Variants in VWA2 observed in about 807,000 individuals in gnomAD.
The protein encoded by VWA2 is von Willebrand factor A domain-containing protein 2.
A neutral mutation model predicts 70.4 loss-of-function variants in VWA2; 73 were observed. That is an observed-to-expected ratio of 1.04 (90% CI 0.86 to 1.26). VWA2 has a LOEUF of 1.26. Among genes scored for constraint, VWA2 ranks in the 50% most tolerant of loss-of-function variants. The probability of loss-of-function intolerance (pLI) is 0.00; values close to 1 mark genes in which losing one functional copy is unlikely to be tolerated. For synonymous variants in VWA2, 407 were observed against 423.3 expected (o/e 0.96, Z 0.47); for missense variants, 1,011 against 998.5 (o/e 1.01, Z -0.17).
At chr10:114,271,608 A>ACAC (rs2037711035) in intron 5 of VWA2, among the ~76,000 whole-genome samples, 8 of 144,700 alleles carry the variant, frequency 5.5e-5, no homozygotes, top group South Asian at 2.3e-4. Flanking sequence ...GAGAAGTAAA[A>ACAC]ACACACACAC....
intron 12 of VWA2, 125 bp downstream of exon 12, chr10:114,289,614 A>G (rs1368977814): frequency 5.5e-6 from 6 of 1,095,156 alleles, no homozygotes; most frequent in East Asian, 2.4e-5. Flanking sequence ...CCCAAGTGCC[A>G]GGTTCTGTGC....
intron 13 of VWA2, among the ~76,000 whole-genome samples, chr10:114,290,842 G>C (rs1032879366): frequency 1.2e-4 from 19 of 152,304 alleles, no homozygotes; most frequent in African/African-American, 4.6e-4. Flanking sequence ...GTGAGGACGA[G>C]GAGGAGGTGC....
At chr10:114,290,743 G>T (rs1242962919) in intron 13 of VWA2, among the ~76,000 whole-genome samples, 1 of 152,216 alleles carries the variant, frequency 6.6e-6, no homozygotes, top group Non-Finnish European at 1.5e-5. Flanking sequence ...GATGTAGACG[G>T]AGGCAGGGAT....
In VWA2 at chr10:114,290,367, T is replaced by A. The variant is rs1359580096; in HGVS notation, c.2248+2T>A. ...GGGAGGGCCCCCACTGCGAGAACCGTGAGTGGAGCTCTTGCTCTGTATGTG... is the reference window on the plus strand; with the variant it reads ...GGGAGGGCCCCCACTGCGAGAACCGAGAGTGGAGCTCTTGCTCTGTATGTG... On this transcript the variant is annotated splice_donor_variant, in intron 13 of 13. Transcript: ENST00000392982. LOFTEE classifies it high-confidence loss of function. The A allele has an allele frequency of 7.1e-6, 11 of 1,550,300 alleles. No individual in the cohort carries two copies. The highest frequency in any genetic ancestry group is 9.6e-6 in the Non-Finnish European group (11 of 1,146,926).
intron 2 of VWA2, among the ~76,000 whole-genome samples, chr10:114,252,375 G>C (rs2037214860): frequency 6.6e-6 from 1 of 152,066 alleles, no homozygotes. Context: ...TAGGTGAGCA[G>C]GAGCTGTCTG....
intron 6 of VWA2, among the ~76,000 whole-genome samples, chr10:114,275,970 A>G (rs2037832952): frequency 6.6e-6 from 1 of 152,202 alleles, no homozygotes; most frequent in Non-Finnish European, 1.5e-5. Flanking sequence ...TGAAATAAAC[A>G]CAATATAAAT....
At chr10:114,246,338 T>C in intron 1 of VWA2, 1 of 572,778 alleles carries the variant, frequency 1.7e-6, no homozygotes, top group East Asian at 3.0e-5. Context: ...CCGTCTCTAC[T>C]AAAAATACAA....
rs1171958981 is a variant in VWA2, at chr10:114,294,094, T to TTCAA, written c.*2861_*2864dup. Among the ~76,000 whole-genome samples the TTCAA allele has an allele frequency of 3.3e-5, 5 of 152,202 alleles. No homozygotes were observed. The highest frequency in any genetic ancestry group is 5.9e-5 in the Non-Finnish European group (4 of 68,010). ...GTGATAGGTTATCCATTTGTGTATT[T>TTCAA]TCAATCATTGAACAACCCTTGATTT... is the stretch of plus-strand genomic sequence containing the variant. On this transcript the variant is annotated 3_prime_UTR_variant, in exon 14 of 14. Transcript: ENST00000392982.
Position 114,284,917 on chromosome 10 carries a change from T to G in VWA2, c.944T>G (p.Leu315Arg). The change falls in exon 10 of 14, where the codon CTG (leucine) becomes CGG (arginine). Residue 315 changes from leucine (L) to arginine (R), a missense_variant. Coordinates refer to ENST00000392982, the MANE Select transcript of VWA2 (RefSeq NM_001272046.2). Reference protein sequence around the residue: ...QNGGTCVPEGLDGYQCLCPLA... With the variant: ...QNGGTCVPEGRDGYQCLCPLA... ...GGAGGCACATGTGTTCCAGAAGGAC[T>G]GGACGGCTACCAGTGCCTCTGCCCG... 2 of 1,605,506 alleles carry G rather than the reference T, an allele frequency of 1.2e-6. No homozygotes were observed. The highest frequency in any genetic ancestry group is 1.7e-6 in the Non-Finnish European group (2 of 1,177,218).
chr10:114,279,441 C>A (rs563683490), intron 8 of VWA2, among the ~76,000 whole-genome samples: 2 of 152,106 alleles, frequency 1.3e-5, no homozygotes, highest in Non-Finnish European at 2.9e-5. Flanking sequence ...TCTGGGGGGC[C>A]GGGGCAGTGT....
intron 6 of VWA2, among the ~76,000 whole-genome samples, chr10:114,273,228 G>A (rs1239585330): frequency 6.6e-6 from 1 of 152,192 alleles, no homozygotes; most frequent in African/African-American, 2.4e-5. Context: ...CACTGGGTGG[G>A]ATGGGGGTCC....
rs746874699 is a variant in VWA2 at position 114,285,967 on chromosome 10, C to T, written c.1026C>T (p.Val342=). 6 of 1,607,174 alleles carry T rather than the reference C, an allele frequency of 3.7e-6. No individual in the cohort carries two copies. The highest frequency in any genetic ancestry group is 1.3e-5 in the African/African-American group (1 of 74,876). The change falls in exon 11 of 14, where the codon GTC becomes GTT. Residue 342 remains valine (V), a synonymous_variant. Coordinates refer to ENST00000392982, the MANE Select transcript of VWA2 (RefSeq NM_001272046.2). ...CALKLSLECR[V]DLLFLLDSSA... is the part of the protein sequence containing the mutation. Reference sequence around the variant, plus strand: ...TGAAGCTGAGCCTGGAATGCAGGGTCGACCTCCTCTTCCTGCTGGACAGCT... The same window carrying T: ...TGAAGCTGAGCCTGGAATGCAGGGTTGACCTCCTCTTCCTGCTGGACAGCT...
intron 5 of VWA2, among the ~76,000 whole-genome samples, chr10:114,271,648 G>T (rs1422860750): frequency 7.0e-6 from 1 of 142,688 alleles, no homozygotes; most frequent in Non-Finnish European, 1.5e-5. Context: ...CACACAGCAG[G>T]TAATGCCCAT....
intron 1 of VWA2, chr10:114,245,977 A>C: frequency 2.0e-6 from 1 of 500,186 alleles, no homozygotes; most frequent in South Asian, 1.8e-5. Flanking sequence ...CATCATGGAA[A>C]TAACCACACA....
chr10:114,288,884 G>C, intron 11 of VWA2, 54 bp from the exon 12 acceptor site: 5 of 1,550,510 alleles, frequency 3.2e-6, no homozygotes, highest in Non-Finnish European at 4.4e-6. Context: ...GGGTCCCGTC[G>C]AGGGGCTCTG....
Position 114,291,433 on chromosome 10 carries a change from G to C in VWA2, c.*196G>C. ...GTCCCAACTGCAGCCATGCTGCTTA[G>C]AGACAAGAAAGCAGCTGATGTCACC... On this transcript the variant is annotated 3_prime_UTR_variant, in exon 14 of 14. Transcript: ENST00000392982. The C allele has an allele frequency of 1.6e-6, 1 of 631,754 alleles. No homozygotes were observed. Among genetic ancestry groups the C allele is most frequent in the Non-Finnish European group, 2.6e-6 (1 of 383,326 alleles). The allele number at this position is 631,754 out of a possible 1,614,324, so 39.1% of individuals were successfully genotyped here.
chr10:114,260,490 C>T (rs898276072), intron 4 of VWA2, among the ~76,000 whole-genome samples: 3 of 152,140 alleles, frequency 2.0e-5, no homozygotes, highest in African/African-American at 7.2e-5. Flanking sequence ...GCGGGGCTGA[C>T]CACCCAATGA....
chr10:114,277,765 G>T (rs1335672718), intron 6 of VWA2, 149 bp from the exon 7 acceptor site: 5 of 995,764 alleles, frequency 5.0e-6, no homozygotes, highest in African/African-American at 1.6e-5. Context: ...TTTCCATTCC[G>T]GTTAACTGTT....
chr10:114,254,974 G>A lies in VWA2; in HGVS notation c.187G>A (p.Gly63Arg), dbSNP rs1278564232. 3.7e-6 allele frequency: 6 copies of A among 1,613,232 alleles called. No homozygotes were observed. Among genetic ancestry groups the A allele is most frequent in the African/African-American group, 2.7e-5 (2 of 74,910 alleles). ...TCTGTTAGATGGGTCTAACAGCGTC[G>A]GGAAAGGGAGCTTTGAAAGGTCCAA... is the stretch of plus-strand genomic sequence containing the variant. ...MFLLDGSNSV[G>R]KGSFERSKHF... is the part of the protein sequence containing the mutation. Residue 63 changes from glycine to arginine, a missense_variant, in exon 4 of 14, where the codon GGG (glycine) becomes AGG (arginine). By Grantham distance (125) the Gly-to-Arg change is moderately radical. Coordinates refer to ENST00000392982, the MANE Select transcript of VWA2 (RefSeq NM_001272046.2).
Sources: gnomAD v4.1 joint callset for allele counts (sites outside exome capture counted in the v4.1 genomes callset) on GRCh38, gnomAD v4.1.1 for gene constraint, MANE v1.5 for transcripts, NCBI Gene and HGNC (gene_info 2026-07-23, HGNC 2026-07-21) for gene names.